Variants in CDKL4 observed in about 807,000 individuals in gnomAD.
The protein encoded by CDKL4 is cyclin dependent kinase like 4.
Under a neutral mutation model 42.0 loss-of-function variants are expected in CDKL4, and 44 were observed. The observed-to-expected ratio is 1.05, with a 90% confidence interval of 0.82 to 1.35. CDKL4 has a LOEUF of 1.35. CDKL4 is among the 40% of genes most tolerant of loss of function. CDKL4 has a pLI of 0.00. For synonymous variants in CDKL4, 120 were observed against 121.6 expected (o/e 0.99, Z 0.09); for missense variants, 393 against 369.9 (o/e 1.06, Z -0.51).
chr2:39,245,727 C>T (rs562357345), upstream of CDKL4, among the ~76,000 whole-genome samples: 1 of 152,264 alleles, frequency 6.6e-6, no homozygotes, highest in Admixed American at 6.5e-5. Context: ...CGTTTCCCTG[C>T]CTGGGCAGAG....
intron 5 of CDKL4, among the ~76,000 whole-genome samples, chr2:39,195,371 A>C (rs976393577): frequency 1.3e-5 from 2 of 152,180 alleles, no homozygotes; most frequent in African/African-American, 4.8e-5. Flanking sequence ...TTTTTTGAAG[A>C]GCTGCCATAC....
intron 9 of CDKL4, chr2:39,178,492 G>A (rs770049472): frequency 3.8e-5 from 54 of 1,419,332 alleles, no homozygotes; most frequent in Admixed American, 1.0e-4. Context: ...TTTAGGTGCC[G>A]GGTTTACAAG....
chr2:39,175,453 G>A (rs1675126673), downstream of CDKL4, among the ~76,000 whole-genome samples: 2 of 152,204 alleles, frequency 1.3e-5, no homozygotes, highest in South Asian at 4.1e-4. Context: ...AGGAGAGCCT[G>A]CCATGGAATC....
intron 1 of CDKL4, among the ~76,000 whole-genome samples, chr2:39,242,140 G>T (rs1334908485): frequency 1.3e-5 from 2 of 151,854 alleles, no homozygotes; most frequent in African/African-American, 4.8e-5. Flanking sequence ...GTACCTGCTG[G>T]GCTTGAGCAA....
At chr2:39,190,189 T>A (rs1676092501) in intron 6 of CDKL4, 116 bp downstream of exon 6, 2 of 716,362 alleles carry the variant, frequency 2.8e-6, no homozygotes, top group Non-Finnish European at 4.2e-6. Context: ...TGAGTGACAC[T>A]TTGAAGAAGC....
intron 3 of CDKL4, among the ~76,000 whole-genome samples, chr2:39,216,653 G>C (rs1331738545): frequency 2.6e-5 from 4 of 152,116 alleles, no homozygotes; most frequent in Non-Finnish European, 4.4e-5. Flanking sequence ...GTCCTTGAGA[G>C]GGACTAGCGA....
At chr2:39,210,942 C>T (rs1331717097) in intron 4 of CDKL4, among the ~76,000 whole-genome samples, 3 of 152,128 alleles carry the variant, frequency 2.0e-5, no homozygotes. Context: ...GAAAGCTTCC[C>T]CTCCGTATTG....
upstream of CDKL4, among the ~76,000 whole-genome samples, chr2:39,245,597 G>A (rs1316457685): frequency 1.3e-5 from 2 of 152,162 alleles, no homozygotes; most frequent in Non-Finnish European, 2.9e-5. Context: ...GAATGAGAGC[G>A]CTCAGGAAAC....
At chr2:39,220,726 A>G (rs1346707365) in intron 3 of CDKL4, among the ~76,000 whole-genome samples, 1 of 151,918 alleles carries the variant, frequency 6.6e-6, no homozygotes, top group African/African-American at 2.4e-5. Flanking sequence ...CTGGGATTAC[A>G]GGCACCTGCC....
chr2:39,238,665 A>G (rs1679491890), intron 1 of CDKL4, among the ~76,000 whole-genome samples: 1 of 152,242 alleles, frequency 6.6e-6, no homozygotes, highest in Non-Finnish European at 1.5e-5. Flanking sequence ...TGGTACCAGC[A>G]TAAAGACATA....
At chr2:39,231,241 A>C (rs1679079832) in intron 1 of CDKL4, among the ~76,000 whole-genome samples, 1 of 152,012 alleles carries the variant, frequency 6.6e-6, no homozygotes, top group Non-Finnish European at 1.5e-5. Flanking sequence ...CAAACAAACA[A>C]ACAAAAAGAA....
intron 1 of CDKL4, among the ~76,000 whole-genome samples, chr2:39,234,596 T>C (rs1175556826): frequency 1.3e-5 from 2 of 152,066 alleles, no homozygotes; most frequent in African/African-American, 2.4e-5. Flanking sequence ...AATCTAATTA[T>C]ATCTATTGAA....
At chr2:39,210,179 C>T (rs961489936) in intron 4 of CDKL4, among the ~76,000 whole-genome samples, 10 of 152,066 alleles carry the variant, frequency 6.6e-5, no homozygotes, top group Non-Finnish European at 1.5e-4. Flanking sequence ...TTAGTAGAGA[C>T]AGGGTTTCAC....
At chr2:39,176,162 T>C (rs991511999) in intron 9 of CDKL4, 66 bp from the exon 10 acceptor site, 4 of 410,468 alleles carry the variant, frequency 9.7e-6, no homozygotes, top group African/African-American at 8.4e-5. Context: ...TACAGTTTGA[T>C]TGAAAGATGA....
At chr2:39,221,005 TTTTTTTTG>T (rs1558575958) in intron 3 of CDKL4, among the ~76,000 whole-genome samples, 3 of 54,026 alleles carry the variant, frequency 5.6e-5, no homozygotes, top group East Asian at 5.9e-4. Context: ...TTTTTTGTTT[TTTTTTTTG>T]TTTTGTTTTT....
At chr2:39,220,920 G>T (rs980178238) in intron 3 of CDKL4, among the ~76,000 whole-genome samples, 1 of 124,626 alleles carries the variant, frequency 8.0e-6, no homozygotes, top group African/African-American at 2.9e-5. Context: ...TAGTCGTTGG[G>T]TCCCTTCATT....
At chr2:39,171,076 T>C (rs753426613), downstream of CDKL4, among the ~76,000 whole-genome samples, 2 of 151,884 alleles carry the variant, frequency 1.3e-5, no homozygotes, top group Non-Finnish European at 2.9e-5. Context: ...CCATCTCTAC[T>C]AAAAACACAA....
chr2:39,241,336 T>C (rs1017747060), intron 1 of CDKL4, among the ~76,000 whole-genome samples: 5 of 152,210 alleles, frequency 3.3e-5, no homozygotes, highest in East Asian at 1.9e-4. Context: ...AGTCCAGATA[T>C]ATGAGTTTAT....
intron 4 of CDKL4, among the ~76,000 whole-genome samples, chr2:39,212,468 C>T (rs923485398): frequency 3.9e-5 from 6 of 152,068 alleles, no homozygotes; most frequent in Admixed American, 6.5e-5. Flanking sequence ...CTCCTGACTT[C>T]GTGATCCGCC....
Sources: allele counts gnomAD v4.1 joint callset (sites outside exome capture counted in the v4.1 genomes callset), GRCh38; gene constraint gnomAD v4.1.1; transcripts MANE v1.5; gene names NCBI Gene and HGNC (gene_info 2026-07-23, HGNC 2026-07-21).